SUMF1: variants seen among roughly 807,000 people sequenced by gnomAD.
The protein encoded by SUMF1 is formylglycine-generating enzyme.
In SUMF1, 48 loss-of-function variants were observed where a neutral mutation model predicts 47.6. The ratio of observed to expected loss-of-function variants is 1.01; its 90% confidence interval spans 0.80 to 1.28. The LOEUF is 1.28. SUMF1 is among the 50% of genes most tolerant of loss of function. SUMF1 has a pLI of 0.00. For missense variants in SUMF1, 571 were observed against 485.4 expected, an observed-to-expected ratio of 1.18 and a Z score of -1.66; for synonymous variants, 230 against 192.1, an observed-to-expected ratio of 1.20 and a Z score of -1.63.
chr3:4,442,863 A>T (rs997118803), intron 3 of SUMF1, among the ~76,000 whole-genome samples: 12 of 152,278 alleles, frequency 7.9e-5, no homozygotes, highest in African/African-American at 2.6e-4. Flanking sequence ...TCAAGCTCAA[A>T]TGCAATCCAA....
chr3:4,354,614 T>C (rs1213239490), intron 8 of SUMF1, among the ~76,000 whole-genome samples: 1 of 152,204 alleles, frequency 6.6e-6, no homozygotes. Flanking sequence ...TGGGGATTAA[T>C]CATGCCAGCT....
chr3:4,131,967 A>G (rs1466185455), intron 8 of SUMF1, among the ~76,000 whole-genome samples: 1 of 152,116 alleles, frequency 6.6e-6, no homozygotes, highest in African/African-American at 2.4e-5. Flanking sequence ...CGACCTGGCT[A>G]CAGCCAGTGC....
At chr3:4,310,570 G>T (rs1698364843) in intron 8 of SUMF1, among the ~76,000 whole-genome samples, 1 of 152,152 alleles carries the variant, frequency 6.6e-6, no homozygotes, top group South Asian at 2.1e-4. Context: ...GATATCTGCA[G>T]TTCATTCGGA....
chr3:4,245,085 C>T (rs528698039), intron 8 of SUMF1, among the ~76,000 whole-genome samples: 23 of 152,074 alleles, frequency 1.5e-4, no homozygotes, highest in Admixed American at 1.0e-3. Context: ...TTTTCAGCTC[C>T]ATTAAGTCAT....
At chr3:4,312,453 T>G (rs1438494470) in intron 8 of SUMF1, among the ~76,000 whole-genome samples, 1 of 152,082 alleles carries the variant, frequency 6.6e-6, no homozygotes. Flanking sequence ...CATATATATG[T>G]CCTTATGTGT....
At chr3:4,415,135 G>C (rs915195536) in intron 6 of SUMF1, among the ~76,000 whole-genome samples, 3 of 149,494 alleles carry the variant, frequency 2.0e-5, no homozygotes, top group African/African-American at 7.5e-5. Context: ...GCTGAGGCAG[G>C]AGAATCACTT....
intron 8 of SUMF1, among the ~76,000 whole-genome samples, chr3:4,305,072 G>A (rs1433580189): frequency 6.6e-6 from 1 of 152,076 alleles, no homozygotes; most frequent in Non-Finnish European, 1.5e-5. Flanking sequence ...GGGATCAATA[G>A]AAATGTTTAG....
chr3:4,126,884 A>C (rs1291761410), intron 8 of SUMF1, among the ~76,000 whole-genome samples: 1 of 152,214 alleles, frequency 6.6e-6, no homozygotes, highest in African/African-American at 2.4e-5. Context: ...ATGTGTACTC[A>C]AACTTAAATC....
At chr3:4,167,979 T>A (rs374346509) in intron 8 of SUMF1, among the ~76,000 whole-genome samples, 3 of 152,146 alleles carry the variant, frequency 2.0e-5, no homozygotes, top group Non-Finnish European at 2.9e-5. Flanking sequence ...TAGAGAGCCA[T>A]AGTCTTATCC....
At chr3:4,305,424 C>G (rs1218972809) in intron 8 of SUMF1, among the ~76,000 whole-genome samples, 1 of 152,018 alleles carries the variant, frequency 6.6e-6, no homozygotes, top group African/African-American at 2.4e-5. Flanking sequence ...GAGGAGACTC[C>G]CAGCTGACTT....
chr3:4,241,713 A>G (rs1696541037), intron 8 of SUMF1, among the ~76,000 whole-genome samples: 1 of 152,178 alleles, frequency 6.6e-6, no homozygotes, highest in Non-Finnish European at 1.5e-5. Context: ...CACCAAGGGA[A>G]TTGAGGAAAC....
At chr3:4,315,938 T>C (rs972443339) in intron 8 of SUMF1, among the ~76,000 whole-genome samples, 32 of 150,518 alleles carry the variant, frequency 2.1e-4, no homozygotes, top group African/African-American at 7.8e-4. Context: ...TCCCAGCTAC[T>C]CAGGAGGCTG....
chr3:4,067,376 C>T (rs1435255388), intron 9 of SUMF1, among the ~76,000 whole-genome samples: 2 of 152,170 alleles, frequency 1.3e-5, no homozygotes, highest in Non-Finnish European at 2.9e-5. Context: ...ATTTGTAGAA[C>T]GTTGCCTTCC....
chr3:4,068,873 T>A, intron 8 of SUMF1: 1 of 220,946 alleles, frequency 4.5e-6, no homozygotes, highest in Non-Finnish European at 9.4e-6. Flanking sequence ...TATAACAAAC[T>A]ACAACGAAAA....
At chr3:4,353,683 T>G (rs533674250) in intron 8 of SUMF1, among the ~76,000 whole-genome samples, 30 of 152,314 alleles carry the variant, frequency 2.0e-4, no homozygotes, top group African/African-American at 7.0e-4. Context: ...AATATTATTA[T>G]GAAAATCAGT....
chr3:4,165,200 T>C (rs757282648), intron 8 of SUMF1, among the ~76,000 whole-genome samples: 5 of 152,176 alleles, frequency 3.3e-5, no homozygotes, highest in Non-Finnish European at 7.4e-5. Flanking sequence ...TTAAAGGCCA[T>C]GGTTTGATCT....
intron 7 of SUMF1, among the ~76,000 whole-genome samples, chr3:4,394,171 C>A (rs1700967667): frequency 1.3e-5 from 2 of 151,664 alleles, no homozygotes; most frequent in South Asian, 4.2e-4. Flanking sequence ...TACTGAAGTG[C>A]TTTTTTTGTG....
chr3:4,039,491 C>T (rs1437387622), intron 9 of SUMF1, among the ~76,000 whole-genome samples: 13 of 129,376 alleles, frequency 1.0e-4, no homozygotes, highest in South Asian at 8.2e-4. Flanking sequence ...TTTGTTCTTG[C>T]GATAGTTTAC....
rs1553563418 is a variant in SUMF1 at position 4,367,134 on chromosome 3, G to GCA, written c.1015-4881_1015-4880insTG. Among the ~76,000 whole-genome samples, 58 of 152,274 alleles carry GCA rather than the reference G, an allele frequency of 3.8e-4. No homozygotes were observed. In the South Asian group the frequency reaches 3.9e-3, roughly 10 times the overall value. ...AGGTGTCAGTCTGCCCCTACTGGGG[G>GCA]GGTGCCTCACAGTTAGGCTGCTCGG... is the stretch of plus-strand genomic sequence containing the variant. On this transcript the variant is annotated intron_variant, in intron 8 of 8. Coordinates refer to ENST00000272902, the MANE Select transcript of SUMF1 (RefSeq NM_182760.4).
Sources: gnomAD v4.1 joint callset for allele counts (sites outside exome capture counted in the v4.1 genomes callset) on GRCh38, gnomAD v4.1.1 for gene constraint, MANE v1.5 for transcripts, NCBI Gene and HGNC (gene_info 2026-07-23, HGNC 2026-07-21) for gene names.